SRRT: variants seen among roughly 807,000 people sequenced by gnomAD.
The protein encoded by SRRT is serrate RNA effector molecule homolog.
In SRRT, 32 loss-of-function variants were observed where a neutral mutation model predicts 103.2. The ratio of observed to expected loss-of-function variants is 0.31; its 90% CI spans 0.23 to 0.42. SRRT has a LOEUF of 0.42. Ranked by LOEUF, SRRT falls within the 10% of genes least tolerant of loss-of-function variation. The probability of loss-of-function intolerance (pLI) is 1.00; values close to 1 mark genes in which losing one functional copy is unlikely to be tolerated. For missense variants in SRRT, 986 were observed against 1,207.5 expected (o/e 0.82, Z 2.72); for synonymous variants, 525 against 449.0 (o/e 1.17, Z -2.14).
chr7:100,886,209 G>T (rs375164911), intron 12 of SRRT, 38 bp from the exon 13 acceptor site: 20 of 1,592,904 alleles, frequency 1.3e-5, no homozygotes, highest in Non-Finnish European at 1.6e-5. Context: ...GGCAAGCGGG[G>T]TAAGTGGGGT....
intron 2 of SRRT, among the ~76,000 whole-genome samples, chr7:100,879,873 G>C (rs1816120693): frequency 6.6e-6 from 1 of 152,090 alleles, no homozygotes; most frequent in African/African-American, 2.4e-5. Context: ...TTGGTTGGGA[G>C]GTTGGTGACT....
chr7:100,880,859 C>T (rs150794936), intron 2 of SRRT: 2,951 of 290,340 alleles, frequency 0.01, 35 homozygotes, highest in Middle Eastern at 0.043. Context: ...ACCATCAGTT[C>T]TTGGGTATTG....
At chr7:100,886,157 C>G in intron 12 of SRRT, 90 bp from the exon 13 acceptor site, 1 of 1,451,920 alleles carries the variant, frequency 6.9e-7, no homozygotes, top group South Asian at 1.3e-5. Flanking sequence ...TGATCAATCG[C>G]TGGTGCTCAA....
rs144305791 is a variant in SRRT, at chr7:100,885,267, A to C, written c.1214A>C (p.Lys405Thr). The change falls in exon 10 of 20, where the codon AAG (lysine) becomes ACG (threonine). Residue 405 changes from lysine (K) to threonine (T), a missense_variant. Coordinates refer to ENST00000611405, the MANE Select transcript of SRRT (RefSeq NM_015908.6). The surrounding 1 kb of genome is among the most constrained non-coding windows in gnomAD (Gnocchi z 4.8). ...AAGGAAGAAGAATGGGAGAAGCCCA[A>C]GGACGCCGCGGGGCTGGAGTGCAAG... ...KPKEEEWEKP[K>T]DAAGLECKPR... 72 of 1,614,066 alleles carry C rather than the reference A, an allele frequency of 4.5e-5. No individual in the cohort carries two copies. In the African/African-American group the frequency reaches 9.5e-4, roughly 21 times the overall value.
At chr7:100,888,180 G>T (rs554358971) in intron 18 of SRRT, 37 bp downstream of exon 18, 105 of 1,600,820 alleles carry the variant, frequency 6.6e-5, no homozygotes, top group Admixed American at 8.6e-5. Context: ...CTTGGTGAGT[G>T]TGTGGCTTTG....
Position 100,887,668 on chromosome 7 carries a change from G to A in SRRT, c.2170-35G>A. On this transcript the variant is annotated intron_variant, in intron 16 of 19. Coordinates refer to ENST00000611405, the MANE Select transcript of SRRT (RefSeq NM_015908.6). This position sits in a 1 kb window ranked among gnomAD's most constrained non-coding sequence, Gnocchi z 4.1. ...GGCCTGGGAGCGAGGCAACCCTTATGTGGCTGTCCTGACCCCTCTCCTCTC... is the reference window on the plus strand; with the variant it reads ...GGCCTGGGAGCGAGGCAACCCTTATATGGCTGTCCTGACCCCTCTCCTCTC... 6.3e-7 allele frequency: 1 copy of A among 1,593,686 alleles called. No homozygotes were observed.
chr7:100,879,696 G>A (rs1325778774), intron 2 of SRRT, among the ~76,000 whole-genome samples: 1 of 151,730 alleles, frequency 6.6e-6, no homozygotes, highest in Admixed American at 6.6e-5. Flanking sequence ...ATTTTTAAGA[G>A]TATTAAGGGG....
In SRRT at chr7:100,884,454, G is replaced by C; in HGVS notation, c.844G>C (p.Glu282Gln). 1 of 1,613,940 alleles carries C rather than the reference G, an allele frequency of 6.2e-7. No homozygotes were observed. The highest frequency in any genetic ancestry group is 8.5e-7 in the Non-Finnish European group (1 of 1,179,960). ...GGAGGAGCAGGCAGGAAAGCCTGGG[G>C]AGCCCAGCAAGAAAGAAGAAGGACG... ...EEEEQAGKPG[E>Q]PSKKEEGRAG... Residue 282 changes from glutamate to glutamine, a missense_variant, in exon 7 of 20, where the codon GAG (glutamate) becomes CAG (glutamine). Glu to Gln is a conservative substitution (Grantham distance 29). This residue lies in a region of SRRT where 166 missense variants were observed against 148.6 expected (regional missense o/e 1.12). Coordinates refer to ENST00000611405, the MANE Select transcript of SRRT (RefSeq NM_015908.6).
chr7:100,888,050 C>A lies in SRRT; in HGVS notation c.2335C>A (p.Pro779Thr). ...TGTCCCTGTCCGTGTTGTACTCCCC[C>A]CAGGTTTGACCCCAGGACTCCCCTA... The part of the protein sequence containing the change: ...QPPGPAQILP[P>T]GLTPGLPYPH... Residue 779 changes from proline to threonine, a missense_variant, in exon 18 of 20, where the codon CCA becomes ACA. Physicochemically the swap from Pro to Thr is conservative, Grantham distance 38. Around this residue, in one of 6 missense-constraint regions of SRRT, gnomAD observed 178 missense variants for 189.6 expected, o/e 0.94. Coordinates refer to ENST00000611405, the MANE Select transcript of SRRT (RefSeq NM_015908.6). The A allele has an allele frequency of 6.4e-7, 1 of 1,557,356 alleles. No individual in the cohort carries two copies. The highest frequency in any genetic ancestry group is 8.7e-7 in the Non-Finnish European group (1 of 1,156,000).
At position 100,879,825 on chromosome 7, in the gene SRRT, AAGAAG is replaced by A. The variant is rs1816114673; in HGVS notation, c.123-1458_123-1454del. Reference sequence around the variant, plus strand: ...AGACTGTCTCCAAAAAAAAAAAAAAAAGAAGAAGAAGAAGATGAGGATGGGGGAGG... The same window carrying A: ...AGACTGTCTCCAAAAAAAAAAAAAAAAAGAAGAAGATGAGGATGGGGGAGG... On this transcript the variant is annotated intron_variant, in intron 2 of 19. Transcript: ENST00000611405. 4.2e-5 allele frequency among the ~76,000 whole-genome samples: 6 copies of A among 142,090 alleles called. No individual in the cohort carries two copies. In the South Asian group the frequency reaches 1.1e-3, roughly 27 times the overall value. 93.2% of individuals were successfully genotyped at this position (142,090 alleles called of 152,430 possible).
At chr7:100,881,151 GT>G (rs1816277450) in intron 2 of SRRT, 133 bp from the exon 3 acceptor site, 4 of 830,646 alleles carry the variant, frequency 4.8e-6, no homozygotes, top group South Asian at 1.9e-5. Context: ...GCGGGGGGGG[GT>G]CTCACTATTG....
At chr7:100,886,154 T>C in intron 12 of SRRT, 93 bp from the exon 13 acceptor site, 7 of 1,435,432 alleles carry the variant, frequency 4.9e-6, no homozygotes, top group Non-Finnish European at 5.7e-6. Flanking sequence ...GTCTGATCAA[T>C]CGCTGGTGCT....
At chr7:100,875,388 G>C in intron 1 of SRRT, 60 bp downstream of exon 1, 2 of 1,353,182 alleles carry the variant, frequency 1.5e-6, no homozygotes, top group Non-Finnish European at 1.9e-6. Flanking sequence ...CGGGGTCCAC[G>C]GGGGCGGGCG....
In SRRT at chr7:100,886,845, C is replaced by T. The variant is rs539120544; in HGVS notation, c.1698C>T (p.Ile566=). 2.7e-5 allele frequency: 44 copies of T among 1,614,156 alleles called. 1 individual carries two copies. The South Asian group carries it at 2.9e-4, about 10-fold the overall frequency. The change falls in exon 14 of 20, where the codon ATC becomes ATT. Residue 566 remains isoleucine (I), a synonymous_variant. Coordinates refer to ENST00000611405, the MANE Select transcript of SRRT (RefSeq NM_015908.6). ...PILKNITDYL[I]EEVSAEEEEL... ...TGAAGAATATCACCGACTACCTGAT[C>T]GAGGAAGTAAGCGCCGAGGAGGAGG...
At chr7:100,878,828 A>G (rs1274137995) in intron 2 of SRRT, among the ~76,000 whole-genome samples, 1 of 152,052 alleles carries the variant, frequency 6.6e-6, no homozygotes, top group African/African-American at 2.4e-5. Context: ...CAGCCTCCTG[A>G]TTAGCTGGGA....
chr7:100,884,594 G>A (rs1789903667), intron 7 of SRRT, 42 bp downstream of exon 7: 1 of 1,453,176 alleles, frequency 6.9e-7, no homozygotes, highest in Non-Finnish European at 9.3e-7. Context: ...TGGCAGCCTG[G>A]GGGAGGGGGG....
intron 2 of SRRT, among the ~76,000 whole-genome samples, chr7:100,878,070 G>C (rs923604203): frequency 1.1e-4 from 17 of 152,164 alleles, no homozygotes; most frequent in African/African-American, 4.1e-4. Context: ...CCAACACTTT[G>C]GGAGGCGAAG....
chr7:100,885,457 GC>G lies in SRRT; in HGVS notation c.1317+92del, dbSNP rs3840571. The G allele has an allele frequency of 2.1e-5, 29 of 1,385,796 alleles. No homozygotes were observed. The Middle Eastern group carries it at 1.0e-3, about 49-fold the overall frequency. 85.8% of individuals were successfully genotyped at this position (1,385,796 alleles called of 1,614,324 possible). A position where few individuals can be genotyped will look rare whatever the true frequency, so the allele number is the denominator to read the frequency against. On this transcript the variant is annotated intron_variant, in intron 10 of 19. Transcript: ENST00000611405. This position sits in a 1 kb window ranked among gnomAD's most constrained non-coding sequence, Gnocchi z 4.8. ...CAGTGGGGCCCTGCCTGTGACAGAT[GC>G]CCCCGTTTCACCTGCTAGGGAGGCC...
rs1815606304 is a variant in SRRT at position 100,875,623 on chromosome 7, G to A, written c.33G>A (p.Arg11=). 1.2e-6 allele frequency: 2 copies of A among 1,614,156 alleles called. No homozygotes were observed. The highest frequency in any genetic ancestry group is 1.7e-6 in the Non-Finnish European group (2 of 1,179,998). The change falls in exon 2 of 20, where the codon AGG becomes AGA. Residue 11 remains arginine, a synonymous_variant. Coordinates refer to ENST00000611405, the MANE Select transcript of SRRT (RefSeq NM_015908.6). The part of the protein sequence containing the change: MGDSDDEYDR[R]RRDKFRRERS... ...ACAGTGATGACGAGTACGATCGAAG[G>A]CGCAGGGACAAGTTCAGAAGAGAGC...
Sources: gnomAD v4.1 joint callset for allele counts (sites outside exome capture counted in the v4.1 genomes callset) on GRCh38, gnomAD v4.1.1 for gene constraint, gnomAD v4.1.1 regional missense constraint, Gnocchi (gnomAD v3.1) non-coding constraint, MANE v1.5 for transcripts, NCBI Gene and HGNC (gene_info 2026-07-23, HGNC 2026-07-21) for gene names.